IP6K3: variants seen among roughly 807,000 people sequenced by gnomAD.
IP6K3 encodes the protein inositol hexakisphosphate kinase 3.
In IP6K3, 20 loss-of-function variants were observed where a neutral mutation model predicts 28.8. That is an observed-to-expected ratio of 0.70 (90% CI 0.49 to 1.01). The LOEUF is 1.01. Among genes scored for constraint, IP6K3 ranks in the 50% least tolerant of loss-of-function variants. IP6K3 has a pLI of 0.00. For synonymous variants in IP6K3, 213 were observed against 221.3 expected (o/e 0.96, Z 0.33); for missense variants, 480 against 537.1 (o/e 0.89, Z 1.05).
At position 33,744,032 on chromosome 6, in the gene IP6K3, G is replaced by A. The variant is rs1582229193; in HGVS notation, c.-180+2726C>T. Among the ~76,000 whole-genome samples, 3 of 152,206 alleles carry A rather than the reference G, an allele frequency of 2.0e-5. No homozygotes were observed. The highest frequency in any genetic ancestry group is 7.2e-5 in the African/African-American group (3 of 41,508). On this transcript the variant is annotated intron_variant, in intron 1 of 5. Coordinates refer to ENST00000293756, the MANE Select transcript of IP6K3 (RefSeq NM_054111.5). The surrounding 1 kb of genome is among the most constrained non-coding windows in gnomAD (Gnocchi z 4.4). The stretch of plus-strand genomic sequence containing the variant: ...TGCTGTCAAGGTGGGAGAAACATGG[G>A]GGCAAGATGACTCACGAAGTCAAGT...
chr6:33,730,565 C>T (rs1341007130), intron 2 of IP6K3, among the ~76,000 whole-genome samples: 4 of 152,216 alleles, frequency 2.6e-5, no homozygotes, highest in African/African-American at 4.8e-5. Context: ...CTGTCCTGCT[C>T]GTGAGACAGG....
chr6:33,726,913 C>A lies in IP6K3; in HGVS notation c.414-7G>T. ...CAGAAGAGCCTTGGCCGGGCTGCGG[C>A]GGAGTGGAGCACAGGACGGTCAGAG... On this transcript the variant is annotated splice_polypyrimidine_tract_variant and splice_region_variant and intron_variant, in intron 3 of 5. Transcript: ENST00000293756. The A allele has an allele frequency of 6.3e-7, 1 of 1,592,906 alleles. No homozygotes were observed. The highest frequency in any genetic ancestry group is 8.6e-7 in the Non-Finnish European group (1 of 1,164,422).
intron 1 of IP6K3, among the ~76,000 whole-genome samples, chr6:33,741,248 T>C (rs571052518): frequency 6.6e-5 from 10 of 152,284 alleles, no homozygotes; most frequent in African/African-American, 2.2e-4. Context: ...ATGAAGTCAC[T>C]GAGATTTGGG....
At chr6:33,740,086 G>A (rs1182328704) in intron 1 of IP6K3, among the ~76,000 whole-genome samples, 1 of 152,118 alleles carries the variant, frequency 6.6e-6, no homozygotes, top group Non-Finnish European at 1.5e-5. Flanking sequence ...GCTCTCTTTA[G>A]TGCTTTGAAG....
chr6:33,742,332 C>G lies in IP6K3; in HGVS notation c.-180+4426G>C, dbSNP rs560979538. Reference sequence around the variant, plus strand: ...AGTCTCGGAGACCCAGGACCAAGACCCAAGTCAGGCTCTTAGGGCCAGGGT... The same window carrying G: ...AGTCTCGGAGACCCAGGACCAAGACGCAAGTCAGGCTCTTAGGGCCAGGGT... On this transcript the variant is annotated intron_variant, in intron 1 of 5. Coordinates refer to ENST00000293756, the MANE Select transcript of IP6K3 (RefSeq NM_054111.5). The surrounding 1 kb of genome is among the most constrained non-coding windows in gnomAD (Gnocchi z 4.5). 1.8e-3 allele frequency among the ~76,000 whole-genome samples: 279 copies of G among 152,262 alleles called. No homozygotes were observed. Among genetic ancestry groups the G allele is most frequent in the African/African-American group, 6.4e-3 (265 of 41,564 alleles).
intron 2 of IP6K3, among the ~76,000 whole-genome samples, chr6:33,732,661 A>G (rs987669022): frequency 2.0e-5 from 3 of 152,158 alleles, no homozygotes; most frequent in South Asian, 4.2e-4. Context: ...ATGCCAGGTA[A>G]CCTCTCTGTG....
rs539450742 is a variant in IP6K3, at chr6:33,728,473, C to T, written c.200-173G>A. On this transcript the variant is annotated intron_variant, in intron 2 of 5. Transcript: ENST00000293756. ...GGGACTGGCCTGGTTTTGCCTGAAC[C>T]GATCCTGTCCCAGAATGAGCCCTGG... is the stretch of plus-strand genomic sequence containing the variant. Among the ~76,000 whole-genome samples, 9 of 152,354 alleles carry T rather than the reference C, an allele frequency of 5.9e-5. No homozygotes were observed. In the South Asian group the frequency reaches 8.3e-4, roughly 14 times the overall value.
At chr6:33,749,786 T>C (rs558712688), upstream of IP6K3, among the ~76,000 whole-genome samples, 2 of 151,986 alleles carry the variant, frequency 1.3e-5, no homozygotes, top group South Asian at 4.2e-4. Context: ...GTCCTCACAA[T>C]AGCCTTGTGA....
At chr6:33,727,943 G>A (rs1037856824) in intron 3 of IP6K3, 144 bp downstream of exon 3, 2 of 1,431,940 alleles carry the variant, frequency 1.4e-6, no homozygotes, top group African/African-American at 2.9e-5. Flanking sequence ...TGGTCACATT[G>A]GTTATTCTAG....
At chr6:33,741,285 G>T (rs922941184) in intron 1 of IP6K3, among the ~76,000 whole-genome samples, 4 of 152,186 alleles carry the variant, frequency 2.6e-5, no homozygotes. Flanking sequence ...GCAGGACCTA[G>T]TCCATCCTGC....
chr6:33,745,567 T>G (rs1766877168), intron 1 of IP6K3, among the ~76,000 whole-genome samples: 2 of 151,660 alleles, frequency 1.3e-5, no homozygotes, highest in African/African-American at 2.4e-5. Context: ...ATCACCATGG[T>G]GGGGGGTCGG....
At chr6:33,727,981 C>T in intron 3 of IP6K3, 106 bp downstream of exon 3, 1 of 1,484,004 alleles carries the variant, frequency 6.7e-7, no homozygotes, top group Non-Finnish European at 8.9e-7. Context: ...ATTTCTTTTT[C>T]TCAGCACCAG....
chr6:33,734,205 A>T (rs1766424781), intron 2 of IP6K3, among the ~76,000 whole-genome samples: 3 of 3,594 alleles, frequency 8.3e-4, no homozygotes. Flanking sequence ...CTCCGTCTCA[A>T]AAAAAAAAAA....
intron 1 of IP6K3, among the ~76,000 whole-genome samples, chr6:33,736,402 C>CTTCA (rs1554144712): frequency 2.0e-5 from 3 of 151,400 alleles, no homozygotes; most frequent in Non-Finnish European, 4.4e-5. Context: ...TGCTTGCTTG[C>CTTCA]TTTATTTATT....
chr6:33,756,245 G>T, the IP6K3 span, among the ~76,000 whole-genome samples: 1 of 152,308 alleles, frequency 6.6e-6, no homozygotes, highest in Admixed American at 6.5e-5. Flanking sequence ...TTAATGATGG[G>T]GTGTATTGGG....
chr6:33,744,609 A>C lies in IP6K3; in HGVS notation c.-180+2149T>G, dbSNP rs144042447. Reference sequence around the variant, plus strand: ...CACACGTTGAGGCCCCAAATGCCTGAGAGGGATTAACTGGAAACTAAAGCC... The same window carrying C: ...CACACGTTGAGGCCCCAAATGCCTGCGAGGGATTAACTGGAAACTAAAGCC... On this transcript the variant is annotated intron_variant, in intron 1 of 5. Transcript: ENST00000293756. The surrounding 1 kb of genome is among the most constrained non-coding windows in gnomAD (Gnocchi z 4.4). 3.2e-3 allele frequency among the ~76,000 whole-genome samples: 494 copies of C among 152,244 alleles called. No individual in the cohort carries two copies. The highest frequency in any genetic ancestry group is 0.01 in the African/African-American group (433 of 41,518).
At chr6:33,736,603 G>A (rs984562187) in intron 1 of IP6K3, among the ~76,000 whole-genome samples, 5 of 151,774 alleles carry the variant, frequency 3.3e-5, no homozygotes, top group Admixed American at 1.3e-4. Flanking sequence ...ACAGGGTTTC[G>A]CCATGTTGGC....
At chr6:33,732,220 C>T (rs1766346317) in intron 2 of IP6K3, among the ~76,000 whole-genome samples, 1 of 152,168 alleles carries the variant, frequency 6.6e-6, no homozygotes, top group Admixed American at 6.5e-5. Flanking sequence ...CAGCAAAGGT[C>T]CCAGGCGAAC....
chr6:33,726,730 C>T lies in IP6K3; in HGVS notation c.589+1G>A, dbSNP rs565789067. ...ACATGTGAGGGGGATGGCAAGGATACGATGCCGCTTGTTCTCTGGGTACTC... is the reference window on the plus strand; with the variant it reads ...ACATGTGAGGGGGATGGCAAGGATATGATGCCGCTTGTTCTCTGGGTACTC... On this transcript the variant is annotated splice_donor_variant, in intron 4 of 5. Coordinates refer to ENST00000293756, the MANE Select transcript of IP6K3 (RefSeq NM_054111.5). LOFTEE classifies it high-confidence loss of function. 7 of 1,577,018 alleles carry T rather than the reference C, an allele frequency of 4.4e-6. No homozygotes were observed. The highest frequency in any genetic ancestry group is 4.0e-5 in the African/African-American group (3 of 74,364).
Sources: allele counts gnomAD v4.1 joint callset (sites outside exome capture counted in the v4.1 genomes callset), GRCh38; gene constraint gnomAD v4.1.1; non-coding constraint Gnocchi (gnomAD v3.1); transcripts MANE v1.5; gene names NCBI Gene and HGNC (gene_info 2026-07-23, HGNC 2026-07-21).